The following HUNK variants were observed in gnomAD, a reference collection of about 807,000 sequenced individuals.
HUNK encodes hormonally up-regulated neu tumor-associated kinase.
HUNK carries 21 observed loss-of-function variants against 61.0 expected under a neutral mutation model. The observed-to-expected ratio is 0.34, with a 90% CI of 0.24 to 0.50. The LOEUF is 0.50. HUNK is among the 20% of genes least tolerant of loss of function. HUNK has a pLI of 0.98. For missense variants in HUNK, 772 were observed against 945.7 expected (o/e 0.82, Z 2.41); for synonymous variants, 371 against 386.1 (o/e 0.96, Z 0.46).
chr21:31,971,534 A>C (rs1231808772), intron 6 of HUNK, among the ~76,000 whole-genome samples: 1 of 152,118 alleles, frequency 6.6e-6, no homozygotes, highest in African/African-American at 2.4e-5. Context: ...CAAACAGAGA[A>C]AGGGATATTT....
intron 2 of HUNK, among the ~76,000 whole-genome samples, chr21:31,930,484 C>A (rs2052689009): frequency 6.6e-6 from 1 of 152,236 alleles, no homozygotes; most frequent in African/African-American, 2.4e-5. Flanking sequence ...ACTCATCCTT[C>A]AGGTCCCAGC....
chr21:31,957,654 A>G (rs1222258529), intron 4 of HUNK, among the ~76,000 whole-genome samples: 1 of 152,206 alleles, frequency 6.6e-6, no homozygotes, highest in Non-Finnish European at 1.5e-5. Context: ...TCTCATCAAA[A>G]TGATATTAGA....
chr21:31,886,579 G>C (rs1601358968), intron 1 of HUNK, among the ~76,000 whole-genome samples: 1 of 152,112 alleles, frequency 6.6e-6, no homozygotes, highest in Admixed American at 6.5e-5. Flanking sequence ...CTCCCCACTA[G>C]AGTGTAAGCC....
At chr21:31,893,053 T>A (rs988829846) in intron 1 of HUNK, among the ~76,000 whole-genome samples, 1 of 152,214 alleles carries the variant, frequency 6.6e-6, no homozygotes, top group Non-Finnish European at 1.5e-5. Flanking sequence ...GTCTACTTAT[T>A]TGGTTGGGCT....
chr21:31,954,402 A>G (rs943412559), intron 4 of HUNK, among the ~76,000 whole-genome samples: 5 of 152,274 alleles, frequency 3.3e-5, no homozygotes, highest in African/African-American at 1.2e-4. Flanking sequence ...TTATAAGTAC[A>G]TGAGCCCCAA....
intron 1 of HUNK, among the ~76,000 whole-genome samples, chr21:31,918,956 TGAGGGGCTGGACTGAGCGGTATGAGGAG>T (rs1555877177): frequency 1.5e-4 from 22 of 145,828 alleles, no homozygotes; most frequent in South Asian, 2.2e-4. Flanking sequence ...GGTATGAGGT[TGAGGGGCTGGACTGAGCGGTATGAGGAG>T]GAGGGGCTGG....
intron 5 of HUNK, among the ~76,000 whole-genome samples, chr21:31,960,666 C>A (rs540764133): frequency 4.3e-4 from 65 of 152,212 alleles, no homozygotes; most frequent in African/African-American, 1.4e-3. Flanking sequence ...CAGGGAAGAG[C>A]GCTTGTGCAG....
intron 9 of HUNK, among the ~76,000 whole-genome samples, chr21:31,995,238 G>T (rs575294455): frequency 4.0e-5 from 6 of 150,896 alleles, no homozygotes; most frequent in Non-Finnish European, 7.4e-5. Context: ...GTGCTCACAC[G>T]ATTAGGGTAG....
chr21:31,935,954 G>A (rs187534977), intron 2 of HUNK, among the ~76,000 whole-genome samples: 2 of 152,050 alleles, frequency 1.3e-5, no homozygotes, highest in Admixed American at 6.6e-5. Context: ...GTGCCACCAC[G>A]CCTGGCTAAT....
intron 10 of HUNK, 60 bp downstream of exon 10, chr21:31,996,008 A>T: frequency 7.7e-7 from 1 of 1,291,098 alleles, no homozygotes; most frequent in Non-Finnish European, 1.1e-6. Flanking sequence ...TCCGCTGTGT[A>T]GCCCTCACAG....
Position 31,928,241 on chromosome 21 carries a change from A to G in HUNK, c.554+3481A>G, listed in dbSNP as rs553496783. On this transcript the variant is annotated intron_variant, in intron 2 of 10. Coordinates refer to ENST00000270112, the MANE Select transcript of HUNK (RefSeq NM_014586.2). The stretch of plus-strand genomic sequence containing the variant: ...TGTAGTACTCAGGGTGTTTTTTCCA[A>G]GGGTTTTGTGCTGTCAAAAAGAGGA... 2.6e-5 allele frequency among the ~76,000 whole-genome samples: 4 copies of G among 152,276 alleles called. No homozygotes were observed. In the East Asian group the frequency reaches 7.7e-4, roughly 29 times the overall value.
chr21:31,919,108 C>A lies in HUNK; in HGVS notation c.262-5360C>A, dbSNP rs112135651. On this transcript the variant is annotated intron_variant, in intron 1 of 10. Transcript: ENST00000270112. The stretch of plus-strand genomic sequence containing the variant: ...AGCGGTATGAGGAGGAGGGGCTGGA[C>A]TGAGCGGTATGAGGATGAGGGGCTG... Among the ~76,000 whole-genome samples, 70 of 83,010 alleles carry A rather than the reference C, an allele frequency of 8.4e-4. 2 individuals carry two copies. The highest frequency in any genetic ancestry group is 4.5e-3 in the African/African-American group (62 of 13,640). The allele number at this position is 83,010 out of a possible 152,430, so 54.5% of individuals were successfully genotyped here.
At chr21:31,876,176 C>G (rs1422589831) in intron 1 of HUNK, among the ~76,000 whole-genome samples, 1 of 152,138 alleles carries the variant, frequency 6.6e-6, no homozygotes, top group African/African-American at 2.4e-5. Flanking sequence ...TAAAATTATT[C>G]CCCTGGACCC....
rs2052231543 is a variant in HUNK, at chr21:31,873,580, G to A, written c.-95G>A. The A allele has an allele frequency of 2.5e-5, 24 of 942,696 alleles. No individual in the cohort carries two copies. Among genetic ancestry groups the A allele is most frequent in the Admixed American group, 6.2e-5 (1 of 16,204 alleles). The allele number at this position is 942,696 out of a possible 1,614,324, so 58.4% of individuals were successfully genotyped here. On this transcript the variant is annotated 5_prime_UTR_variant, in exon 1 of 11. Coordinates refer to ENST00000270112, the MANE Select transcript of HUNK (RefSeq NM_014586.2). The surrounding 1 kb of genome is among the most constrained non-coding windows in gnomAD (Gnocchi z 6.1). The stretch of plus-strand genomic sequence containing the variant: ...ACCCAGGCGGGGCTGGGCCCAGGGC[G>A]GCGGCGGGAGAAGCCGGGGAAGCCG...
chr21:31,883,939 C>A (rs971129125), intron 1 of HUNK, among the ~76,000 whole-genome samples: 2 of 152,138 alleles, frequency 1.3e-5, no homozygotes, highest in Non-Finnish European at 2.9e-5. Flanking sequence ...GGTTCTGCAA[C>A]CATGACCCTG....
Position 31,873,637 on chromosome 21 carries a change from G to A in HUNK, c.-38G>A. The A allele has an allele frequency of 3.1e-6, 3 of 974,746 alleles. No homozygotes were observed. The highest frequency in any genetic ancestry group is 3.6e-6 in the Non-Finnish European group (3 of 828,534). 60.4% of individuals were successfully genotyped at this position (974,746 alleles called of 1,614,324 possible). A position where few individuals can be genotyped will look rare whatever the true frequency, so the allele number is the denominator to read the frequency against. ...CTGGGGAGGAGGAGCTGCGAGCGCG[G>A]GAGACGAGCAGGAGCCGCGCGGGCC... On this transcript the variant is annotated 5_prime_UTR_variant, in exon 1 of 11. Coordinates refer to ENST00000270112, the MANE Select transcript of HUNK (RefSeq NM_014586.2). This position sits in a 1 kb window ranked among gnomAD's most constrained non-coding sequence, Gnocchi z 6.1.
chr21:31,979,665 G>GCTCA (rs1377168048), intron 7 of HUNK, among the ~76,000 whole-genome samples: 2 of 150,768 alleles, frequency 1.3e-5, no homozygotes, highest in Non-Finnish European at 3.0e-5. Context: ...ACAGGCACCT[G>GCTCA]CCACCTCACC....
intron 2 of HUNK, among the ~76,000 whole-genome samples, chr21:31,939,860 C>T (rs910098634): frequency 6.6e-6 from 1 of 152,008 alleles, no homozygotes; most frequent in African/African-American, 2.4e-5. Flanking sequence ...TCTCCCCACA[C>T]CCTGGTTCTG....
chr21:31,910,148 G>T (rs960157166), intron 1 of HUNK, among the ~76,000 whole-genome samples: 11 of 152,164 alleles, frequency 7.2e-5, no homozygotes, highest in Non-Finnish European at 1.3e-4. Flanking sequence ...GTTTGCTGGG[G>T]CTAGTACAGT....
Sources: gnomAD v4.1 joint callset for allele counts (sites outside exome capture counted in the v4.1 genomes callset) on GRCh38, gnomAD v4.1.1 for gene constraint, Gnocchi (gnomAD v3.1) non-coding constraint, MANE v1.5 for transcripts, NCBI Gene and HGNC (gene_info 2026-07-23, HGNC 2026-07-21) for gene names.